CAST: variants seen among roughly 807,000 people sequenced by gnomAD.
The protein encoded by CAST is MIR583 host.
A neutral mutation model predicts 119.6 loss-of-function variants in CAST; 76 were observed. The observed-to-expected ratio is 0.64, with a 90% CI of 0.53 to 0.77. The LOEUF is 0.77. Ranked by LOEUF, CAST falls within the 30% of genes least tolerant of loss-of-function variation. CAST has a pLI of 0.00. For missense variants in CAST, 953 were observed against 946.5 expected, an observed-to-expected ratio of 1.01 and a Z score of -0.09; for synonymous variants, 319 against 331.6, an observed-to-expected ratio of 0.96 and a Z score of 0.41.
the CAST span, chr5:96,392,563 G>T: frequency 3.5e-5 from 6 of 173,586 alleles, no homozygotes; most frequent in Non-Finnish European, 7.4e-5. Flanking sequence ...ATCAAAATTT[G>T]AAGAACCACA....
chr5:96,499,934 T>C, the CAST span, among the ~76,000 whole-genome samples: 1 of 152,086 alleles, frequency 6.6e-6, no homozygotes, highest in Non-Finnish European at 1.5e-5. Context: ...CACTTAGAGG[T>C]CATCGTTGGG....
At chr5:96,230,668 C>G in the CAST span, among the ~76,000 whole-genome samples, 2 of 152,022 alleles carry the variant, frequency 1.3e-5, no homozygotes, top group South Asian at 4.1e-4. Context: ...AGGTTAAAAA[C>G]GTTTATGTTT....
intron 1 of CAST, among the ~76,000 whole-genome samples, chr5:96,618,553 C>T (rs571636557): frequency 2.6e-5 from 4 of 152,344 alleles, no homozygotes; most frequent in South Asian, 4.1e-4. Context: ...ATGGCGCTCG[C>T]GAGCTAGCGC....
At chr5:96,288,471 G>C in the CAST span, among the ~76,000 whole-genome samples, 2 of 152,092 alleles carry the variant, frequency 1.3e-5, no homozygotes, top group Non-Finnish European at 1.5e-5. Context: ...AGCCATTTCA[G>C]AAGATTTCTG....
the CAST span, among the ~76,000 whole-genome samples, chr5:96,068,833 A>G: frequency 1.3e-5 from 2 of 151,286 alleles, no homozygotes; most frequent in African/African-American, 2.4e-5. Flanking sequence ...ACACACACAT[A>G]TGTATATATA....
intron 1 of CAST, among the ~76,000 whole-genome samples, chr5:96,618,211 G>A (rs1747511801): frequency 6.6e-6 from 1 of 152,196 alleles, no homozygotes; most frequent in Non-Finnish European, 1.5e-5. Context: ...ATTCTTGAGA[G>A]TCCTTTGCCC....
At chr5:95,989,350 T>G in the CAST span, among the ~76,000 whole-genome samples, 1 of 152,222 alleles carries the variant, frequency 6.6e-6, no homozygotes, top group East Asian at 1.9e-4. Flanking sequence ...TTTCACACTC[T>G]TTTGTTTTGT....
rs1273745613 is a variant in CAST at position 96,773,195 on chromosome 5, AAATT to A, written c.*583_*586del. On this transcript the variant is annotated 3_prime_UTR_variant, in exon 32 of 32. Transcript: ENST00000675179. ...TATCTCCTCTTGGGCTGCTAATAATAAATTAATAACAGGTAACCTGGACAAACCA... is the reference window on the plus strand; with the variant it reads ...TATCTCCTCTTGGGCTGCTAATAATAAATAACAGGTAACCTGGACAAACCA... 6.5e-6 allele frequency: 1 copy of A among 153,770 alleles called. No homozygotes were observed. The highest frequency in any genetic ancestry group is 2.4e-5 in the African/African-American group (1 of 41,422). The allele number at this position is 153,770 out of a possible 1,614,324, so 9.5% of individuals were successfully genotyped here. A position where few individuals can be genotyped will look rare whatever the true frequency, so the allele number is the denominator to read the frequency against.
chr5:96,153,320 G>C, the CAST span, among the ~76,000 whole-genome samples: 1 of 152,158 alleles, frequency 6.6e-6, no homozygotes, highest in African/African-American at 2.4e-5. Flanking sequence ...TCCTCACAGA[G>C]AGAGAGAGAC....
At chr5:96,195,517 T>C in the CAST span, among the ~76,000 whole-genome samples, 8 of 152,332 alleles carry the variant, frequency 5.3e-5, no homozygotes, top group South Asian at 1.0e-3. Flanking sequence ...ACAGATTCTA[T>C]AAAATTCTTA....
the CAST span, among the ~76,000 whole-genome samples, chr5:96,298,315 A>G: frequency 3.3e-5 from 5 of 152,224 alleles, no homozygotes; most frequent in Admixed American, 2.6e-4. Context: ...AGAAGTGCTC[A>G]TAGCTGAGTA....
chr5:96,500,307 A>G, the CAST span, among the ~76,000 whole-genome samples: 2 of 152,378 alleles, frequency 1.3e-5, no homozygotes, highest in East Asian at 1.9e-4. Context: ...TGCGAAGCAC[A>G]TTAAAGAGAA....
intron 1 of CAST, among the ~76,000 whole-genome samples, chr5:96,616,715 C>G (rs1747460527): frequency 6.7e-6 from 1 of 149,934 alleles, no homozygotes; most frequent in Non-Finnish European, 1.5e-5. Context: ...CTCTTAGACA[C>G]CAAGCGCTCG....
At chr5:96,362,179 C>A in the CAST span, among the ~76,000 whole-genome samples, 1 of 152,030 alleles carries the variant, frequency 6.6e-6, no homozygotes, top group African/African-American at 2.4e-5. Context: ...TTTTTTATGG[C>A]TGCATAGTAT....
the CAST span, among the ~76,000 whole-genome samples, chr5:96,007,621 T>TG: frequency 7.6e-5 from 1 of 13,124 alleles, no homozygotes; most frequent in South Asian, 4.1e-3. Flanking sequence ...AAGAGGAAGA[T>TG]GGGGCCGGGC....
At chr5:96,415,203 G>A in the CAST span, among the ~76,000 whole-genome samples, 1 of 152,158 alleles carries the variant, frequency 6.6e-6, no homozygotes, top group Non-Finnish European at 1.5e-5. Context: ...GCATCAATGG[G>A]CTCTGTCTTC....
the CAST span, among the ~76,000 whole-genome samples, chr5:96,365,436 C>T: frequency 1.3e-5 from 2 of 152,098 alleles, no homozygotes; most frequent in Non-Finnish European, 2.9e-5. Context: ...TTAAAGTCTC[C>T]CATTATTATT....
chr5:96,441,091 T>A, the CAST span, among the ~76,000 whole-genome samples: 1 of 152,258 alleles, frequency 6.6e-6, no homozygotes, highest in Non-Finnish European at 1.5e-5. Context: ...GTTGAAGTTA[T>A]TATACATAAC....
chr5:96,366,024 T>C, the CAST span, among the ~76,000 whole-genome samples: 2 of 152,336 alleles, frequency 1.3e-5, no homozygotes, highest in South Asian at 4.1e-4. Context: ...GCAGGCCTGT[T>C]GGTGACAAAA....
Sources: allele counts gnomAD v4.1 joint callset (sites outside exome capture counted in the v4.1 genomes callset), GRCh38; gene constraint gnomAD v4.1.1; transcripts MANE v1.5; gene names NCBI Gene and HGNC (gene_info 2026-07-23, HGNC 2026-07-21).